Variants in NSUN2 observed in about 807,000 individuals in gnomAD.
NSUN2 encodes the protein NOP2/Sun RNA methyltransferase 2.
A neutral mutation model predicts 92.7 loss-of-function variants in NSUN2; 63 were observed. The ratio of observed to expected loss-of-function variants is 0.68; its 90% CI spans 0.56 to 0.84. The LOEUF (loss-of-function observed/expected upper bound fraction) is 0.84. Ranked by LOEUF, NSUN2 falls within the 40% of genes least tolerant of loss-of-function variation. The pLI is 0.00. For synonymous variants in NSUN2, 356 were observed against 348.3 expected (o/e 1.02, Z -0.25); for missense variants, 989 against 964.9 (o/e 1.02, Z -0.33).
At position 6,606,912 on chromosome 5, in the gene NSUN2, A is replaced by C; in HGVS notation, c.1509T>G (p.Gly503=). The C allele has an allele frequency of 6.5e-7, 1 of 1,539,448 alleles. No individual in the cohort carries two copies. The highest frequency in any genetic ancestry group is 9.0e-7 in the Non-Finnish European group (1 of 1,114,612). Residue 503 remains glycine, a splice_region_variant and synonymous_variant, in exon 14 of 19, where the codon GGT becomes GGG. Coordinates refer to ENST00000264670, the MANE Select transcript of NSUN2 (RefSeq NM_017755.6). ...ACTTCATTTTCTTTGATGGAGGAGG[A>C]CTAAAAAGGGAATCAGGATGAGACA... ...NNGSKKDGVC[G]PPPSKKMKLF... is the part of the protein sequence containing the mutation.
At chr5:6,612,910 T>C (rs752131675) in intron 9 of NSUN2, among the ~76,000 whole-genome samples, 15 of 152,178 alleles carry the variant, frequency 9.9e-5, no homozygotes, top group Non-Finnish European at 1.9e-4. Flanking sequence ...TGTTGAGCAC[T>C]TTCAGGTGGG....
chr5:6,630,019 A>G (rs1737812310), intron 3 of NSUN2, among the ~76,000 whole-genome samples: 1 of 152,234 alleles, frequency 6.6e-6, no homozygotes, highest in Admixed American at 6.5e-5. Context: ...CTACTACAGT[A>G]TCAGACCTCT....
chr5:6,627,946 A>G (rs1438881764), intron 3 of NSUN2, among the ~76,000 whole-genome samples: 1 of 152,236 alleles, frequency 6.6e-6, no homozygotes, highest in Non-Finnish European at 1.5e-5. Flanking sequence ...TTAGAGGATA[A>G]GTTAAAAGGA....
Position 6,611,849 on chromosome 5 carries a change from C to T in NSUN2, c.1022-51G>A, listed in dbSNP as rs149689599. Reference sequence around the variant, plus strand: ...TTTGTTTTTCAAAAAAGTATTAACACACTATGCTCAGTGAAAAAAACCAGA... The same window carrying T: ...TTTGTTTTTCAAAAAAGTATTAACATACTATGCTCAGTGAAAAAAACCAGA... On this transcript the variant is annotated intron_variant, in intron 9 of 18. Coordinates refer to ENST00000264670, the MANE Select transcript of NSUN2 (RefSeq NM_017755.6). 1,433 of 1,456,838 alleles carry T rather than the reference C, an allele frequency of 9.8e-4. 13 individuals are homozygous for T. The African/African-American group carries it at 0.018, about 18-fold the overall frequency. 90.2% of individuals were successfully genotyped at this position (1,456,838 alleles called of 1,614,324 possible). A position where few individuals can be genotyped will look rare whatever the true frequency, so the allele number is the denominator to read the frequency against.
intron 3 of NSUN2, among the ~76,000 whole-genome samples, chr5:6,630,892 G>A (rs1737856742): frequency 6.6e-6 from 1 of 152,122 alleles, no homozygotes; most frequent in Admixed American, 6.5e-5. Context: ...CAGGAGATGA[G>A]ACCATCCTGG....
rs779452870 is a variant in NSUN2 at position 6,620,350 on chromosome 5, C to T, written c.623-52G>A. 7 of 1,367,922 alleles carry T rather than the reference C, an allele frequency of 5.1e-6. No homozygotes were observed. In the South Asian group the frequency reaches 6.2e-5, roughly 12 times the overall value. 84.7% of individuals were successfully genotyped at this position (1,367,922 alleles called of 1,614,324 possible). On this transcript the variant is annotated intron_variant, in intron 6 of 18. Coordinates refer to ENST00000264670, the MANE Select transcript of NSUN2 (RefSeq NM_017755.6). Reference sequence around the variant, plus strand: ...GTGAAATGGAGCCTAAGTGGAATCACATCCTGAAATATGCGACCTCCAAAG... The same window carrying T: ...GTGAAATGGAGCCTAAGTGGAATCATATCCTGAAATATGCGACCTCCAAAG...
chr5:6,612,417 G>C (rs963082806), intron 9 of NSUN2, among the ~76,000 whole-genome samples: 1 of 152,158 alleles, frequency 6.6e-6, no homozygotes, highest in Non-Finnish European at 1.5e-5. Flanking sequence ...TCGGGACACA[G>C]TCAGCCCAGT....
In NSUN2 at chr5:6,620,488, T is replaced by C. The variant is rs1560981400; in HGVS notation, c.623-190A>G. ...ACCAGGTGGCTCTGGATGGATTTTATGGACACTCGAATTTTGAAAGCCTCA... is the reference window on the plus strand; with the variant it reads ...ACCAGGTGGCTCTGGATGGATTTTACGGACACTCGAATTTTGAAAGCCTCA... On this transcript the variant is annotated intron_variant, in intron 6 of 18. Coordinates refer to ENST00000264670, the MANE Select transcript of NSUN2 (RefSeq NM_017755.6). 8.1e-5 allele frequency: 34 copies of C among 421,224 alleles called. No individual in the cohort carries two copies. In the East Asian group the frequency reaches 1.0e-3, roughly 13 times the overall value. The allele number at this position is 421,224 out of a possible 1,614,324, so 26.1% of individuals were successfully genotyped here. A position where few individuals can be genotyped will look rare whatever the true frequency, so the allele number is the denominator to read the frequency against.
chr5:6,609,719 C>G (rs1177344978), intron 12 of NSUN2, 107 bp downstream of exon 12: 1 of 839,050 alleles, frequency 1.2e-6, no homozygotes, highest in African/African-American at 1.7e-5. Flanking sequence ...CTGCTGCCCA[C>G]AGCAAGAAGC....
At chr5:6,617,614 G>A (rs756225917) in intron 8 of NSUN2, among the ~76,000 whole-genome samples, 3 of 152,086 alleles carry the variant, frequency 2.0e-5, no homozygotes, top group South Asian at 4.1e-4. Context: ...TTAGCAAAAC[G>A]ATGATACAAA....
chr5:6,627,641 T>C (rs1029404322), intron 3 of NSUN2, among the ~76,000 whole-genome samples: 5 of 152,198 alleles, frequency 3.3e-5, no homozygotes, highest in African/African-American at 1.2e-4. Context: ...TAAAGAAACA[T>C]TTAGGAACTC....
chr5:6,621,475 G>C (rs184900585), intron 6 of NSUN2: 1 of 152,136 alleles, frequency 6.6e-6, no homozygotes, highest in East Asian at 1.9e-4. Context: ...GCAGCCGGGC[G>C]TGGTGGCTCA....
intron 11 of NSUN2, among the ~76,000 whole-genome samples, chr5:6,610,673 G>GCT (rs1736949340): frequency 6.7e-6 from 1 of 148,404 alleles, no homozygotes; most frequent in Non-Finnish European, 1.5e-5. Context: ...GACAGAGTGA[G>GCT]ACTCTCTCTC....
intron 7 of NSUN2, 64 bp from the exon 8 acceptor site, chr5:6,618,088 A>G (rs892880697): frequency 6.7e-6 from 7 of 1,037,140 alleles, no homozygotes; most frequent in South Asian, 4.0e-5. Context: ...TTTAACAGAT[A>G]TGTCACATAC....
Position 6,607,250 on chromosome 5 carries a change from A to G in NSUN2, c.1458T>C (p.His486=), listed in dbSNP as rs200925761. The G allele has an allele frequency of 1.8e-4, 294 of 1,614,208 alleles. 3 individuals carry two copies. The East Asian group carries it at 4.1e-3, about 23-fold the overall frequency. The change falls in exon 13 of 19, where the codon CAT becomes CAC. Residue 486 remains histidine (H), a synonymous_variant. Transcript: ENST00000264670. ...FTGTGDTEIA[H]ATEDLENNGS... is the part of the protein sequence containing the mutation. Reference sequence around the variant, plus strand: ...CATTATTCTCTAAATCCTCAGTTGCATGAGCTATTTCTGTGTCACCAGTTC... The same window carrying G: ...CATTATTCTCTAAATCCTCAGTTGCGTGAGCTATTTCTGTGTCACCAGTTC...
intron 6 of NSUN2, 116 bp from the exon 7 acceptor site, chr5:6,620,414 C>A: frequency 2.6e-6 from 2 of 762,714 alleles, no homozygotes; most frequent in Non-Finnish European, 2.0e-6. Context: ...AAACTTAAGA[C>A]CCACAGTCAA....
In NSUN2 at chr5:6,623,319, G is replaced by A. The variant is rs202227253; in HGVS notation, c.466-34C>T. ...AAAAAAAAAAATCAGCAACAATTAG[G>A]AAAAAAAAAAAAACCGCAGACAATT... On this transcript the variant is annotated intron_variant, in intron 4 of 18. Transcript: ENST00000264670. 3.8e-3 allele frequency: 4,684 copies of A among 1,246,502 alleles called. 112 individuals are homozygous for A. The African/African-American group carries it at 0.062, about 17-fold the overall frequency. The allele number at this position is 1,246,502 out of a possible 1,614,324, so 77.2% of individuals were successfully genotyped here.
chr5:6,632,756 C>A lies in NSUN2; in HGVS notation c.97G>T (p.Gly33Cys), dbSNP rs1287325697. 3.1e-6 allele frequency: 5 copies of A among 1,613,444 alleles called. No homozygotes were observed. In the Admixed American group the frequency reaches 5.0e-5, roughly 16 times the overall value. The stretch of plus-strand genomic sequence containing the variant: ...ATCTCGGGGTAGCCTCCTTCCCAGC[C>A]CTGAGGAAGGAAAGAGACGTCTACC... ...AEGGGKRGEA[G>C]WEGGYPEIVK... is the part of the protein sequence containing the mutation. Residue 33 changes from glycine to cysteine, a missense_variant and splice_region_variant, in exon 2 of 19, where the codon GGC becomes TGC. Gly to Cys is a radical substitution (Grantham distance 159, BLOSUM62 -3). This residue lies in a region of NSUN2 where 356 missense variants were observed against 338.6 expected (regional missense o/e 1.05). Transcript: ENST00000264670.
In NSUN2 at chr5:6,622,056, T is replaced by A. The variant is rs1737469730; in HGVS notation, c.582A>T (p.Leu194Phe). 6.2e-7 allele frequency: 1 copy of A among 1,614,068 alleles called. No individual in the cohort carries two copies. Among genetic ancestry groups the A allele is most frequent in the Non-Finnish European group, 8.5e-7 (1 of 1,179,986 alleles). The change falls in exon 6 of 19, where the codon TTA becomes TTT. Residue 194 changes from leucine (L) to phenylalanine (F), a missense_variant. Physicochemically the swap from Leu to Phe is conservative, Grantham distance 22. This residue lies in a region of NSUN2 where 356 missense variants were observed against 338.6 expected (regional missense o/e 1.05). Transcript: ENST00000264670. ...CAAPGSKTTQ[L>F]IEMLHADMNV... ...TCATGTCGGCATGTAGCATTTCAATTAACTGTGTGGTCTTTGAGCCAGGTG... is the reference window on the plus strand; with the variant it reads ...TCATGTCGGCATGTAGCATTTCAATAAACTGTGTGGTCTTTGAGCCAGGTG...
Sources: gnomAD v4.1 joint callset for allele counts (sites outside exome capture counted in the v4.1 genomes callset) on GRCh38, gnomAD v4.1.1 for gene constraint, gnomAD v4.1.1 regional missense constraint, MANE v1.5 for transcripts, NCBI Gene and HGNC (gene_info 2026-07-23, HGNC 2026-07-21) for gene names.